The following ADAM2 variants were observed in gnomAD, a reference collection of about 807,000 sequenced individuals.
ADAM2 encodes ADAM metallopeptidase domain 2.
A neutral mutation model predicts 99.3 loss-of-function variants in ADAM2; 101 were observed. The ratio of observed to expected loss-of-function variants is 1.02; its 90% CI spans 0.87 to 1.20. ADAM2 has a LOEUF of 1.20. Ranked by LOEUF, ADAM2 falls within the 50% of genes most tolerant of loss-of-function variation. The pLI is 0.00. For synonymous variants in ADAM2, 323 were observed against 287.6 expected (o/e 1.12, Z -1.25); for missense variants, 948 against 878.7 (o/e 1.08, Z -1.00).
At chr8:39,780,385 C>T (rs965200039) in intron 10 of ADAM2, among the ~76,000 whole-genome samples, 3 of 152,048 alleles carry the variant, frequency 2.0e-5, no homozygotes, top group African/African-American at 7.2e-5. Context: ...TATTAATAAA[C>T]ATGTTAGGAT....
At chr8:39,787,479 G>A (rs1455631274) in intron 9 of ADAM2, among the ~76,000 whole-genome samples, 1 of 150,900 alleles carries the variant, frequency 6.6e-6, no homozygotes, top group Non-Finnish European at 1.5e-5. Context: ...TCATATTTAT[G>A]GGACAGAAGA....
At chr8:39,826,739 A>C (rs1036216617) in intron 3 of ADAM2, among the ~76,000 whole-genome samples, 6 of 151,930 alleles carry the variant, frequency 3.9e-5, no homozygotes, top group African/African-American at 1.4e-4. Flanking sequence ...AAAACCAAAA[A>C]AAACTCAAAA....
At chr8:39,751,813 T>G (rs1470072998) in intron 16 of ADAM2, among the ~76,000 whole-genome samples, 1 of 152,070 alleles carries the variant, frequency 6.6e-6, no homozygotes, top group Non-Finnish European at 1.5e-5. Flanking sequence ...ACTAAAATGC[T>G]AAATGAAATA....
intron 6 of ADAM2, among the ~76,000 whole-genome samples, chr8:39,817,616 ATC>A (rs995267712): frequency 6.6e-6 from 1 of 152,178 alleles, no homozygotes; most frequent in Non-Finnish European, 1.5e-5. Context: ...TGTGATTATT[ATC>A]TGTCAGTTAA....
At chr8:39,799,200 C>T (rs1281837498) in intron 7 of ADAM2, among the ~76,000 whole-genome samples, 3 of 152,198 alleles carry the variant, frequency 2.0e-5, no homozygotes, top group Non-Finnish European at 4.4e-5. Context: ...CCTTTTAACA[C>T]AGCTTTAGCT....
chr8:39,833,974 C>T lies in ADAM2; in HGVS notation c.158G>A (p.Gly53Glu), dbSNP rs1049520156. The change falls in exon 3 of 21, where the codon GGG becomes GAG. Residue 53 changes from glycine (G) to glutamate (E), a missense_variant. Physicochemically the swap from Gly to Glu is moderately conservative, Grantham distance 98. Transcript: ENST00000265708. Reference sequence around the variant, plus strand: ...CATTAAATTCACAGTATATGGTTTCCCTTCAATTACAATTTTGTAGGATGC... The same window carrying T: ...CATTAAATTCACAGTATATGGTTTCTCTTCAATTACAATTTTGTAGGATGC... Reference protein sequence around the residue: ...SQASYKIVIEGKPYTVNLMQK... With the variant: ...SQASYKIVIEEKPYTVNLMQK... 4 of 1,571,794 alleles carry T rather than the reference C, an allele frequency of 2.5e-6. No individual in the cohort carries two copies. The East Asian group carries it at 6.8e-5, about 27-fold the overall frequency.
chr8:39,812,438 A>G (rs1048288224), intron 6 of ADAM2, among the ~76,000 whole-genome samples: 3 of 152,208 alleles, frequency 2.0e-5, no homozygotes, highest in Non-Finnish European at 2.9e-5. Context: ...TAAAGTTCAT[A>G]TGGAACCAAA....
intron 2 of ADAM2, among the ~76,000 whole-genome samples, chr8:39,836,353 T>C (rs2129589606): frequency 6.6e-6 from 1 of 152,304 alleles, no homozygotes; most frequent in Non-Finnish European, 1.5e-5. Flanking sequence ...TCATAAAATA[T>C]TGTTAAAAGC....
At chr8:39,836,522 A>G (rs1258227063) in intron 2 of ADAM2, among the ~76,000 whole-genome samples, 1 of 151,638 alleles carries the variant, frequency 6.6e-6, no homozygotes, top group Non-Finnish European at 1.5e-5. Flanking sequence ...AATTACCAGA[A>G]CATCTGCTAC....
At chr8:39,781,295 G>C (rs1803223527) in intron 10 of ADAM2, among the ~76,000 whole-genome samples, 1 of 151,952 alleles carries the variant, frequency 6.6e-6, no homozygotes. Flanking sequence ...GTGTGCGCAT[G>C]TGTGTGTGTG....
chr8:39,809,252 G>A, intron 7 of ADAM2, among the ~76,000 whole-genome samples, 158 bp downstream of exon 7: 2 of 152,128 alleles, frequency 1.3e-5, no homozygotes, highest in Admixed American at 1.3e-4. Flanking sequence ...TATAAAATTT[G>A]ATTCTCAATT....
intron 10 of ADAM2, among the ~76,000 whole-genome samples, chr8:39,784,971 G>C (rs1013704607): frequency 7.9e-5 from 12 of 152,104 alleles, no homozygotes; most frequent in African/African-American, 2.9e-4. Flanking sequence ...CAGATGTATA[G>C]TTTGTGCATA....
chr8:39,771,587 A>T (rs1367448290), intron 11 of ADAM2, among the ~76,000 whole-genome samples: 1 of 152,158 alleles, frequency 6.6e-6, no homozygotes, highest in Non-Finnish European at 1.5e-5. Context: ...AATAAACTTG[A>T]TGGTATCAAA....
chr8:39,808,483 GAA>G (rs1586135467), intron 7 of ADAM2, among the ~76,000 whole-genome samples: 1 of 152,110 alleles, frequency 6.6e-6, no homozygotes. Flanking sequence ...TCCAAATTGT[GAA>G]AAAATATCCT....
intron 6 of ADAM2, among the ~76,000 whole-genome samples, chr8:39,811,235 C>G (rs973855744): frequency 2.0e-5 from 3 of 152,094 alleles, no homozygotes; most frequent in Non-Finnish European, 4.4e-5. Flanking sequence ...AAGACTAAAC[C>G]AAGAAGAAGT....
Position 39,771,189 on chromosome 8 carries a change from C to T in ADAM2, c.1029-1614G>A, listed in dbSNP as rs182248069. ...TCAAATAGTCTACTATTTCCTCTGC[C>T]TGGAAAACTATTCCTTAGTATGCAT... On this transcript the variant is annotated intron_variant, in intron 11 of 20. Transcript: ENST00000265708. Among the ~76,000 whole-genome samples the T allele has an allele frequency of 2.1e-4, 32 of 152,290 alleles. No individual in the cohort carries two copies. The East Asian group carries it at 5.4e-3, about 26-fold the overall frequency.
intron 4 of ADAM2, among the ~76,000 whole-genome samples, chr8:39,823,529 GTT>G (rs1007943834): frequency 7.0e-6 from 1 of 143,262 alleles, no homozygotes. Flanking sequence ...ATTCTTGCTT[GTT>G]TTTTTTTTTT....
chr8:39,801,763 G>A (rs1277396955), intron 7 of ADAM2, among the ~76,000 whole-genome samples: 2 of 152,112 alleles, frequency 1.3e-5, no homozygotes, highest in East Asian at 1.9e-4. Context: ...AGGAGGATGT[G>A]TCAGGATTAG....
At chr8:39,829,186 A>T (rs1051329642) in intron 3 of ADAM2, among the ~76,000 whole-genome samples, 1 of 151,926 alleles carries the variant, frequency 6.6e-6, no homozygotes, top group Non-Finnish European at 1.5e-5. Flanking sequence ...AGGATTATAT[A>T]AGATTTAGTC....
Sources: allele counts gnomAD v4.1 joint callset (sites outside exome capture counted in the v4.1 genomes callset), GRCh38; gene constraint gnomAD v4.1.1; transcripts MANE v1.5; gene names NCBI Gene and HGNC (gene_info 2026-07-23, HGNC 2026-07-21).